Variants in DEAF1 observed in about 807,000 individuals in gnomAD.
The protein encoded by DEAF1 is deformed epidermal autoregulatory factor 1 homolog.
In DEAF1, 53 loss-of-function variants were observed where a neutral mutation model predicts 58.9. The ratio of observed to expected loss-of-function variants is 0.90; its 90% CI spans 0.72 to 1.13. The LOEUF is 1.13. DEAF1 is among the 50% of genes most tolerant of loss of function. DEAF1 has a pLI of 0.00. For synonymous variants in DEAF1, 385 were observed against 340.4 expected, an observed-to-expected ratio of 1.13 and a Z score of -1.44; for missense variants, 685 against 791.4, an observed-to-expected ratio of 0.87 and a Z score of 1.61.
upstream of DEAF1, chr11:695,772 C>T (rs1861104961): frequency 2.4e-6 from 3 of 1,237,612 alleles, no homozygotes; most frequent in South Asian, 3.7e-5. Context: ...GGAGCGCGAG[C>T]GCGCGGGCCG....
chr11:705,058 A>G (rs902259502), intron 1 of DEAF1: 13 of 224,254 alleles, frequency 5.8e-5, no homozygotes, highest in Non-Finnish European at 9.0e-5. Flanking sequence ...GCTCAGGGGC[A>G]GGCACTGGGC....
upstream of DEAF1, chr11:695,252 G>A (rs987975263): frequency 3.1e-5 from 15 of 484,512 alleles, no homozygotes; most frequent in Non-Finnish European, 4.1e-5. Flanking sequence ...GGCGAACAGA[G>A]GCTGCCCGAG....
chr11:657,625 C>T (rs1023785271), intron 10 of DEAF1, among the ~76,000 whole-genome samples: 2 of 152,196 alleles, frequency 1.3e-5, no homozygotes, highest in African/African-American at 4.8e-5. Flanking sequence ...GAGACACCTA[C>T]AGACACCTGA....
chr11:697,535 G>A (rs1004536664), upstream of DEAF1: 3 of 152,146 alleles, frequency 2.0e-5, no homozygotes, highest in Non-Finnish European at 4.4e-5. Flanking sequence ...ATCACTTAAG[G>A]CTTTTATACA....
At chr11:687,787 C>T (rs1293654349) in intron 4 of DEAF1, 124 bp downstream of exon 4, 13 of 1,340,658 alleles carry the variant, frequency 9.7e-6, no homozygotes, top group African/African-American at 4.3e-5. Context: ...TCAGCCACCG[C>T]GCCCAGCCCT....
chr11:649,268 A>G (rs1858647174), intron 11 of DEAF1, among the ~76,000 whole-genome samples: 2 of 151,488 alleles, frequency 1.3e-5, no homozygotes, highest in South Asian at 4.2e-4. Context: ...CACAACAACA[A>G]CAACAAAAAC....
At chr11:648,632 T>C (rs558838444) in intron 11 of DEAF1, among the ~76,000 whole-genome samples, 14 of 152,268 alleles carry the variant, frequency 9.2e-5, no homozygotes, top group African/African-American at 3.4e-4. Flanking sequence ...AGTAAGTGCT[T>C]ATATTGGGGC....
Position 687,003 on chromosome 11 carries a change from AG to A in DEAF1, c.665-7del. The stretch of plus-strand genomic sequence containing the variant: ...GATGCACCGTCCCCGGCCGCCTGCA[AG>A]GAAGGGCAGCAGTCATGATGATGGC... On this transcript the variant is annotated splice_region_variant and splice_polypyrimidine_tract_variant and intron_variant, in intron 4 of 11. Transcript: ENST00000382409. 6.2e-7 allele frequency: 1 copy of A among 1,613,938 alleles called. No individual in the cohort carries two copies.
At chr11:682,186 TGTTAA>T (rs1860406900) in intron 6 of DEAF1, among the ~76,000 whole-genome samples, 1 of 152,240 alleles carries the variant, frequency 6.6e-6, no homozygotes, top group Admixed American at 6.5e-5. Context: ...TCCTGATCTC[TGTTAA>T]GCTGTTGGTG....
intron 10 of DEAF1, among the ~76,000 whole-genome samples, chr11:655,559 G>A (rs767251745): frequency 1.2e-4 from 19 of 152,104 alleles, no homozygotes; most frequent in Admixed American, 2.6e-4. Flanking sequence ...GAGGGGCCGT[G>A]GCCAGTGGGT....
rs139696184 is a variant in DEAF1, at chr11:700,343, A to G, written c.-438+6229T>C. 3.0e-3 allele frequency: 3,077 copies of G among 1,030,032 alleles called. 71 individuals carry two copies. The African/African-American group carries it at 0.045, about 15-fold the overall frequency. The allele number at this position is 1,030,032 out of a possible 1,614,324, so 63.8% of individuals were successfully genotyped here. A position where few individuals can be genotyped will look rare whatever the true frequency, so the allele number is the denominator to read the frequency against. On this transcript the variant is annotated intron_variant, in intron 1 of 11. Coordinates refer to the DEAF1 transcript ENST00000683307. ...GGAGTTTGAGACCAGCCAGGCCAACATGGGGAAACCCCATCTCTACTAAAA... is the reference window on the plus strand; with the variant it reads ...GGAGTTTGAGACCAGCCAGGCCAACGTGGGGAAACCCCATCTCTACTAAAA...
Position 674,658 on chromosome 11 carries a change from T to G in DEAF1, c.1381A>C (p.Asn461His). 1.2e-6 allele frequency: 2 copies of G among 1,614,152 alleles called. No homozygotes were observed. Among genetic ancestry groups the G allele is most frequent in the South Asian group, 2.2e-5 (2 of 91,086 alleles). The change falls in exon 10 of 12, where the codon AAC becomes CAC. Residue 461 changes from asparagine (N) to histidine (H), a missense_variant. Coordinates refer to ENST00000382409, the MANE Select transcript of DEAF1 (RefSeq NM_021008.4). ...TGCTGCGCTGTGTTGAGCAAGGAGTTGACCATCTCTTCTAGGTACAGCCAG... is the reference window on the plus strand; with the variant it reads ...TGCTGCGCTGTGTTGAGCAAGGAGTGGACCATCTCTTCTAGGTACAGCCAG... Reference protein sequence around the residue: ...RSWLYLEEMVNSLLNTAQQLK... With the variant: ...RSWLYLEEMVHSLLNTAQQLK...
Position 688,116 on chromosome 11 carries a change from C to T in DEAF1, c.518-59G>A. 2.5e-6 allele frequency: 4 copies of T among 1,608,742 alleles called. 1 individual carries two copies. The highest frequency in any genetic ancestry group is 4.5e-5 in the East Asian group (2 of 44,848). On this transcript the variant is annotated intron_variant, in intron 3 of 11. Transcript: ENST00000382409. This position sits in a 1 kb window ranked among gnomAD's most constrained non-coding sequence, Gnocchi z 4.3. ...CGGACACCGGGAAGCATAGTACACT[C>T]TCATCTCAGACACCACCTCCCCGGC...
rs1860134707 is a variant in DEAF1 at position 677,532 on chromosome 11, T to A, written c.1255+1162A>T. Among the ~76,000 whole-genome samples the A allele has an allele frequency of 2.8e-5, 3 of 106,028 alleles. 1 individual carries two copies. In the Admixed American group the frequency reaches 3.2e-4, roughly 11 times the overall value. The allele number at this position is 106,028 out of a possible 152,430, so 69.6% of individuals were successfully genotyped here. A position where few individuals can be genotyped will look rare whatever the true frequency, so the allele number is the denominator to read the frequency against. On this transcript the variant is annotated intron_variant, in intron 9 of 11. Coordinates refer to ENST00000382409, the MANE Select transcript of DEAF1 (RefSeq NM_021008.4). ...GAATAATGAAACAAGCAAATGAAAA[T>A]GAAAAGGTAAGTTTTTCATGAACAA...
upstream of DEAF1, among the ~76,000 whole-genome samples, chr11:697,079 A>G (rs970754483): frequency 1.2e-4 from 17 of 144,316 alleles, no homozygotes; most frequent in Non-Finnish European, 2.4e-4. Context: ...CAGCCTGGGC[A>G]ACAAGAGCGA....
chr11:664,488 G>C (rs112775736), intron 10 of DEAF1, among the ~76,000 whole-genome samples: 12 of 96,604 alleles, frequency 1.2e-4, no homozygotes, highest in South Asian at 5.0e-4. Flanking sequence ...TATTCACACC[G>C]AGAGGAGGAG....
At chr11:681,121 C>G (rs942720246) in intron 6 of DEAF1, 32 bp from the exon 7 acceptor site, 1 of 1,613,358 alleles carries the variant, frequency 6.2e-7, no homozygotes, top group Non-Finnish European at 8.5e-7. Flanking sequence ...CCACCACCTT[C>G]ATGTGTGCAA....
chr11:653,831 A>G, intron 11 of DEAF1, 131 bp downstream of exon 11: 1 of 814,024 alleles, frequency 1.2e-6, no homozygotes, highest in East Asian at 2.5e-5. Context: ...GGAGCCCCGG[A>G]TTCCCAGAGG....
rs748017160 is a variant in DEAF1, at chr11:703,188, T to G, written c.-438+3384A>C. 50 of 1,567,146 alleles carry G rather than the reference T, an allele frequency of 3.2e-5. 1 individual carries two copies. The South Asian group carries it at 5.6e-4, about 17-fold the overall frequency. ...GGGATACCCCACACTGGGGCCCTCC[T>G]CCTGGGCCTGACCAGTCCCCCAGCT... On this transcript the variant is annotated intron_variant, in intron 1 of 11. Transcript: ENST00000683307.
Sources: gnomAD v4.1 joint callset for allele counts (sites outside exome capture counted in the v4.1 genomes callset) on GRCh38, gnomAD v4.1.1 for gene constraint, Gnocchi (gnomAD v3.1) non-coding constraint, MANE v1.5 for transcripts, NCBI Gene and HGNC (gene_info 2026-07-23, HGNC 2026-07-21) for gene names.